The following GALNT14 variants were observed in gnomAD, a reference collection of about 807,000 sequenced individuals.
GALNT14 encodes polypeptide N-acetylgalactosaminyltransferase 14.
Under a neutral mutation model 77.5 loss-of-function variants are expected in GALNT14, and 60 were observed. The observed-to-expected ratio is 0.77, with a 90% CI of 0.63 to 0.96. The LOEUF (loss-of-function observed/expected upper bound fraction) is 0.96. GALNT14 is among the 40% of genes least tolerant of loss of function. The pLI is 0.00. For synonymous variants in GALNT14, 280 were observed against 281.7 expected (o/e 0.99, Z 0.06); for missense variants, 710 against 731.0 (o/e 0.97, Z 0.33).
At chr2:31,081,310 G>C (rs1676144967) in intron 1 of GALNT14, among the ~76,000 whole-genome samples, 1 of 152,188 alleles carries the variant, frequency 6.6e-6, no homozygotes, top group South Asian at 2.1e-4. Flanking sequence ...TGTCATTACA[G>C]CTATTTCTTC....
intron 1 of GALNT14, among the ~76,000 whole-genome samples, chr2:31,127,977 A>C (rs1157018296): frequency 6.6e-6 from 1 of 152,188 alleles, no homozygotes; most frequent in Non-Finnish European, 1.5e-5. Flanking sequence ...GGACAAGAGT[A>C]AAAAAGTCAT....
At chr2:31,079,297 G>A (rs969849975) in intron 1 of GALNT14, among the ~76,000 whole-genome samples, 7 of 152,126 alleles carry the variant, frequency 4.6e-5, no homozygotes, top group Admixed American at 2.0e-4. Flanking sequence ...ACCTGACAGC[G>A]TCAGGACGTA....
intron 1 of GALNT14, among the ~76,000 whole-genome samples, chr2:31,066,622 A>T (rs1349657150): frequency 6.6e-6 from 1 of 152,122 alleles, no homozygotes; most frequent in Non-Finnish European, 1.5e-5. Context: ...CCAGGATCCC[A>T]GTGGAAAGAT....
At chr2:30,908,861 A>T (rs972940142), downstream of GALNT14, among the ~76,000 whole-genome samples, 1 of 149,534 alleles carries the variant, frequency 6.7e-6, no homozygotes, top group Non-Finnish European at 1.5e-5. Flanking sequence ...CAAAACAGAG[A>T]TATAGATCAA....
At chr2:31,040,987 G>A (rs1384540884) in intron 1 of GALNT14, among the ~76,000 whole-genome samples, 2 of 152,190 alleles carry the variant, frequency 1.3e-5, no homozygotes, top group South Asian at 2.1e-4. Context: ...AGGGCTAATG[G>A]AGAATTCAGC....
chr2:30,897,731 C>T, the GALNT14 span, among the ~76,000 whole-genome samples: 5 of 152,278 alleles, frequency 3.3e-5, no homozygotes, highest in South Asian at 2.1e-4. Flanking sequence ...TGTGCAGAGG[C>T]GGGAAAGGAA....
intron 2 of GALNT14, among the ~76,000 whole-genome samples, chr2:30,971,671 T>C (rs1668364055): frequency 6.6e-6 from 1 of 152,116 alleles, no homozygotes; most frequent in Non-Finnish European, 1.5e-5. Flanking sequence ...AGGAAAGTGC[T>C]CTGAGATGCT....
chr2:30,993,095 C>A, intron 1 of GALNT14, 88 bp from the exon 2 acceptor site: 1 of 1,396,846 alleles, frequency 7.2e-7, no homozygotes, highest in Non-Finnish European at 9.8e-7. Context: ...CCCCAGAGAC[C>A]AGGCTTATTC....
At chr2:31,045,461 T>A (rs1673382938) in intron 1 of GALNT14, among the ~76,000 whole-genome samples, 1 of 152,128 alleles carries the variant, frequency 6.6e-6, no homozygotes, top group Non-Finnish European at 1.5e-5. Flanking sequence ...CATTTTCATA[T>A]GCTGATTTTA....
chr2:31,067,943 C>A (rs1675085920), intron 1 of GALNT14, among the ~76,000 whole-genome samples: 1 of 152,130 alleles, frequency 6.6e-6, no homozygotes, highest in African/African-American at 2.4e-5. Flanking sequence ...GGGACTTGGG[C>A]CCCTCATTCT....
intron 1 of GALNT14, among the ~76,000 whole-genome samples, chr2:31,101,169 C>T (rs1199990060): frequency 6.6e-6 from 1 of 151,936 alleles, no homozygotes; most frequent in South Asian, 2.1e-4. Context: ...AAGCTCTTTT[C>T]AGTATCTATG....
chr2:30,992,908 A>G lies in GALNT14; in HGVS notation c.229T>C (p.Tyr77His). 1.2e-6 allele frequency: 2 copies of G among 1,614,124 alleles called. No individual in the cohort carries two copies. The highest frequency in any genetic ancestry group is 8.5e-7 in the Non-Finnish European group (1 of 1,180,004). Residue 77 changes from tyrosine to histidine, a missense_variant, in exon 2 of 15, where the codon TAT (tyrosine) becomes CAT (histidine). Physicochemically the swap from Tyr to His is moderately conservative, Grantham distance 83. Coordinates refer to ENST00000349752, the MANE Select transcript of GALNT14 (RefSeq NM_024572.4). Reference protein sequence around the residue: ...WRVGDDPYKLYAFNQRESERI... With the variant: ...WRVGDDPYKLHAFNQRESERI... ...TCACTCTCCCGCTGGTTGAAAGCAT[A>G]CAGCTTATAGGGGTCGTCACCAACG... is the stretch of plus-strand genomic sequence containing the variant.
intron 1 of GALNT14, among the ~76,000 whole-genome samples, chr2:31,103,992 A>G (rs1677426412): frequency 6.6e-6 from 1 of 152,178 alleles, no homozygotes; most frequent in South Asian, 2.1e-4. Flanking sequence ...TACTTAAAAG[A>G]TGGCTAGAAT....
At chr2:31,058,531 T>G (rs1674382032) in intron 1 of GALNT14, among the ~76,000 whole-genome samples, 1 of 152,122 alleles carries the variant, frequency 6.6e-6, no homozygotes, top group East Asian at 1.9e-4. Context: ...CCAAGACCTC[T>G]GCCCACAGAA....
intron 1 of GALNT14, among the ~76,000 whole-genome samples, chr2:31,068,521 A>AG (rs557412894): frequency 0.011 from 1,628 of 151,530 alleles, 14 homozygotes; most frequent in South Asian, 0.025. Flanking sequence ...AAAAAAAAAA[A>AG]AAAAGAAAAG....
chr2:31,088,493 G>C (rs1446795077), intron 1 of GALNT14, among the ~76,000 whole-genome samples: 8 of 152,112 alleles, frequency 5.3e-5, no homozygotes, highest in Non-Finnish European at 1.0e-4. Context: ...AACATGTCTT[G>C]GGTAGCCTCT....
At chr2:30,887,751 C>T in the GALNT14 span, among the ~76,000 whole-genome samples, 1 of 152,128 alleles carries the variant, frequency 6.6e-6, no homozygotes, top group Non-Finnish European at 1.5e-5. Context: ...GTTGCTCATG[C>T]TTTTGATGTC....
rs555947620 is a variant in GALNT14 at position 30,981,632 on chromosome 2, G to A, written c.299+11206C>T. Among the ~76,000 whole-genome samples the A allele has an allele frequency of 1.5e-3, 232 of 152,074 alleles. 8 individuals are homozygous for A. Among genetic ancestry groups the A allele is most frequent in the Admixed American group, 0.015 (230 of 15,288 alleles). ...AGTCCTGTTAGGAAGGGAAGTCTGC[G>A]AGGGGAAAGAGTAATCCAGGGCAGG... On this transcript the variant is annotated intron_variant, in intron 2 of 14. Transcript: ENST00000349752.
chr2:30,936,499 C>T (rs1666065945), intron 9 of GALNT14, among the ~76,000 whole-genome samples: 1 of 152,120 alleles, frequency 6.6e-6, no homozygotes, highest in Admixed American at 6.5e-5. Flanking sequence ...ATTGTGTATA[C>T]AATAGCATTG....
Sources: gnomAD v4.1 joint callset for allele counts (sites outside exome capture counted in the v4.1 genomes callset) on GRCh38, gnomAD v4.1.1 for gene constraint, MANE v1.5 for transcripts, NCBI Gene and HGNC (gene_info 2026-07-23, HGNC 2026-07-21) for gene names.